SGMS1: variants seen among roughly 807,000 people sequenced by gnomAD.
SGMS1 encodes phosphatidylcholine:ceramide cholinephosphotransferase 1.
A neutral mutation model predicts 46.2 loss-of-function variants in SGMS1; 13 were observed. The observed-to-expected ratio is 0.28, with a 90% CI of 0.18 to 0.45. SGMS1 has a LOEUF of 0.45. Among genes scored for constraint, SGMS1 ranks in the 20% least tolerant of loss-of-function variants. The pLI is 1.00. For synonymous variants in SGMS1, 203 were observed against 187.8 expected, an observed-to-expected ratio of 1.08 and a Z score of -0.66; for missense variants, 324 against 519.9, an observed-to-expected ratio of 0.62 and a Z score of 3.66.
intron 6 of SGMS1, among the ~76,000 whole-genome samples, chr10:50,426,456 G>C (rs1849328121): frequency 6.6e-6 from 1 of 152,110 alleles, no homozygotes; most frequent in African/African-American, 2.4e-5. Context: ...TAGTATTAAA[G>C]TCATACCCAT....
intron 8 of SGMS1, among the ~76,000 whole-genome samples, chr10:50,325,486 C>T (rs573596783): frequency 6.6e-6 from 1 of 152,230 alleles, no homozygotes; most frequent in East Asian, 1.9e-4. Context: ...ATGAGCAACA[C>T]GTTTGAGTTT....
At chr10:50,609,796 T>C (rs1838732708) in intron 1 of SGMS1, among the ~76,000 whole-genome samples, 1 of 152,164 alleles carries the variant, frequency 6.6e-6, no homozygotes, top group Admixed American at 6.5e-5. Context: ...TGTGAGCATC[T>C]ACGGTCTCAC....
intron 2 of SGMS1, among the ~76,000 whole-genome samples, chr10:50,581,183 G>C (rs1469564292): frequency 6.6e-6 from 1 of 152,192 alleles, no homozygotes; most frequent in Non-Finnish European, 1.5e-5. Flanking sequence ...GTAAGGAGCG[G>C]GGAGTTATGG....
intron 3 of SGMS1, among the ~76,000 whole-genome samples, chr10:50,492,386 T>C (rs1564927369): frequency 2.0e-5 from 3 of 152,248 alleles, no homozygotes; most frequent in East Asian, 1.9e-4. Context: ...GCAGATGACA[T>C]GATCCTATAT....
rs78833852 is a variant in SGMS1 at position 50,314,368 on chromosome 10, C to T, written c.742-2953G>A. Among the ~76,000 whole-genome samples, 772 of 152,138 alleles carry T rather than the reference C, an allele frequency of 5.1e-3. 6 individuals carry two copies. Among genetic ancestry groups the T allele is most frequent in the African/African-American group, 0.018 (733 of 41,506 alleles). ...GAGCAGGCCACGAAACAGATATCTGCGGGTAAAATCACAGCTCTTCGAATG... is the reference window on the plus strand; with the variant it reads ...GAGCAGGCCACGAAACAGATATCTGTGGGTAAAATCACAGCTCTTCGAATG... On this transcript the variant is annotated intron_variant, in intron 8 of 10. Coordinates refer to ENST00000361781, the MANE Select transcript of SGMS1 (RefSeq NM_147156.4).
chr10:50,383,666 T>C (rs182646860), intron 6 of SGMS1, among the ~76,000 whole-genome samples: 101 of 152,300 alleles, frequency 6.6e-4, no homozygotes, highest in Admixed American at 1.7e-3. Flanking sequence ...TACTTTCTCA[T>C]GTGTTGTTTT....
intron 6 of SGMS1, among the ~76,000 whole-genome samples, chr10:50,380,238 A>G (rs7094029): frequency 0.37 from 56,400 of 151,640 alleles, 10,686 homozygotes; most frequent in African/African-American, 0.42. Flanking sequence ...AAAATTAGCC[A>G]GACATGGTGG....
At chr10:50,368,615 C>T (rs1848387596) in intron 6 of SGMS1, among the ~76,000 whole-genome samples, 1 of 152,214 alleles carries the variant, frequency 6.6e-6, no homozygotes, top group Non-Finnish European at 1.5e-5. Context: ...CTTGGCCTCC[C>T]AAAGTGTTGG....
At chr10:50,454,708 A>G (rs1485514094) in intron 5 of SGMS1, among the ~76,000 whole-genome samples, 1 of 152,212 alleles carries the variant, frequency 6.6e-6, no homozygotes, top group Non-Finnish European at 1.5e-5. Context: ...TAAGAAATGA[A>G]GCTGTCTTAG....
chr10:50,350,048 G>C (rs1335136445), intron 6 of SGMS1, among the ~76,000 whole-genome samples: 1 of 152,216 alleles, frequency 6.6e-6, no homozygotes, highest in Admixed American at 6.5e-5. Context: ...CTAGAGACTT[G>C]TTGAATGGCT....
intron 1 of SGMS1, among the ~76,000 whole-genome samples, chr10:50,616,332 C>T (rs1838797103): frequency 6.6e-6 from 1 of 152,068 alleles, no homozygotes; most frequent in South Asian, 2.1e-4. Context: ...GACAGGGACT[C>T]ACCGTGTTGC....
chr10:50,463,080 G>GA (rs201809602), intron 4 of SGMS1, among the ~76,000 whole-genome samples: 104 of 149,940 alleles, frequency 6.9e-4, no homozygotes, highest in Middle Eastern at 3.4e-3. Context: ...CTAGCAAAAA[G>GA]AAAAAAAAAT....
At chr10:50,523,909 G>A (rs1023323365) in intron 2 of SGMS1, among the ~76,000 whole-genome samples, 5 of 152,170 alleles carry the variant, frequency 3.3e-5, no homozygotes, top group South Asian at 2.1e-4. Context: ...GTGCACATGC[G>A]CACACACACA....
At chr10:50,389,320 G>T (rs12262586) in intron 6 of SGMS1, among the ~76,000 whole-genome samples, 2 of 152,058 alleles carry the variant, frequency 1.3e-5, no homozygotes, top group African/African-American at 4.8e-5. Context: ...AGTCATGGCT[G>T]TACTAATATA....
chr10:50,583,448 A>T (rs1838453804), intron 2 of SGMS1, among the ~76,000 whole-genome samples: 1 of 152,194 alleles, frequency 6.6e-6, no homozygotes, highest in Admixed American at 6.5e-5. Flanking sequence ...TGCTGACCTC[A>T]GGCCCTGGAG....
rs543491103 is a variant in SGMS1, at chr10:50,324,734, C to G, written c.741+2471G>C. Among the ~76,000 whole-genome samples, 5 of 152,286 alleles carry G rather than the reference C, an allele frequency of 3.3e-5. No homozygotes were observed. In the South Asian group the frequency reaches 1.0e-3, roughly 32 times the overall value. On this transcript the variant is annotated intron_variant, in intron 8 of 10. Coordinates refer to ENST00000361781, the MANE Select transcript of SGMS1 (RefSeq NM_147156.4). ...TTGAATCTAATTAAGTCTGCAGAGC[C>G]AACTTTCTATTCAGAGGAAACATAG... is the stretch of plus-strand genomic sequence containing the variant.
intron 6 of SGMS1, among the ~76,000 whole-genome samples, chr10:50,373,650 G>T (rs1429888875): frequency 1.3e-5 from 2 of 152,044 alleles, no homozygotes; most frequent in Non-Finnish European, 2.9e-5. Flanking sequence ...ATTTGTAAAA[G>T]AACAAAACGT....
At chr10:50,509,127 T>G (rs1837732493) in intron 3 of SGMS1, among the ~76,000 whole-genome samples, 1 of 152,230 alleles carries the variant, frequency 6.6e-6, no homozygotes, top group African/African-American at 2.4e-5. Flanking sequence ...AAAGACTGTG[T>G]AATCTTATAC....
In SGMS1 at chr10:50,452,368, A is replaced by T. The variant is rs531244138; in HGVS notation, c.-313+8305T>A. ...CTGCGCTGTACCTAAGTTTTTAATA[A>T]TTTTTTGAGTTCTGTCGTAAATGAG... On this transcript the variant is annotated intron_variant, in intron 5 of 10. Transcript: ENST00000361781. Among the ~76,000 whole-genome samples the T allele has an allele frequency of 2.0e-5, 3 of 152,270 alleles. No individual in the cohort carries two copies. The East Asian group carries it at 5.8e-4, about 29-fold the overall frequency.
Sources: allele counts gnomAD v4.1 joint callset (sites outside exome capture counted in the v4.1 genomes callset), GRCh38; gene constraint gnomAD v4.1.1; transcripts MANE v1.5; gene names NCBI Gene and HGNC (gene_info 2026-07-23, HGNC 2026-07-21).